Variants in TSPAN11 observed in about 807,000 individuals in gnomAD.
TSPAN11 encodes tetraspanin 11.
A neutral mutation model predicts 32.9 loss-of-function variants in TSPAN11; 29 were observed. The ratio of observed to expected loss-of-function variants is 0.88; its 90% CI spans 0.66 to 1.20. The LOEUF (loss-of-function observed/expected upper bound fraction) is 1.20, where lower values mean the gene tolerates loss of function less well. TSPAN11 is among the 50% of genes most tolerant of loss of function. The pLI is 0.00. For missense variants in TSPAN11, 283 were observed against 329.1 expected, an observed-to-expected ratio of 0.86 and a Z score of 1.08; for synonymous variants, 140 against 141.3, an observed-to-expected ratio of 0.99 and a Z score of 0.07.
chr12:30,986,336 C>T (rs978800817), intron 7 of TSPAN11, among the ~76,000 whole-genome samples: 3 of 152,216 alleles, frequency 2.0e-5, no homozygotes, highest in Non-Finnish European at 4.4e-5. Context: ...TCTCTGAGCC[C>T]TTAGTGTCCT....
chr12:30,987,606 GA>G (rs913135270), intron 7 of TSPAN11, among the ~76,000 whole-genome samples: 5 of 147,142 alleles, frequency 3.4e-5, no homozygotes, highest in South Asian at 2.2e-4. Flanking sequence ...CCGTCTCAAA[GA>G]AAAAAAAAAT....
At chr12:31,011,604 A>C in the TSPAN11 span, among the ~76,000 whole-genome samples, 74 of 152,248 alleles carry the variant, frequency 4.9e-4, no homozygotes, top group African/African-American at 1.7e-3. Flanking sequence ...ATCACAGCGC[A>C]TGCCAGCCAC....
downstream of TSPAN11, among the ~76,000 whole-genome samples, chr12:30,998,614 A>G (rs1939447480): frequency 6.6e-6 from 1 of 152,240 alleles, no homozygotes; most frequent in Non-Finnish European, 1.5e-5. Flanking sequence ...CCTTTGCATC[A>G]GGCCAGAGGA....
At chr12:30,965,323 C>T (rs776118134) in intron 3 of TSPAN11, among the ~76,000 whole-genome samples, 12 of 152,226 alleles carry the variant, frequency 7.9e-5, no homozygotes, top group South Asian at 2.1e-4. Flanking sequence ...CTGGCCCTCA[C>T]GCCTGGAGGT....
chr12:30,958,223 A>T (rs895426842), intron 2 of TSPAN11, among the ~76,000 whole-genome samples: 8 of 152,164 alleles, frequency 5.3e-5, no homozygotes, highest in African/African-American at 1.9e-4. Flanking sequence ...GGAAGACAGC[A>T]GAGGAGGTAG....
intron 7 of TSPAN11, among the ~76,000 whole-genome samples, chr12:30,989,463 G>C (rs1939267620): frequency 6.6e-6 from 1 of 152,182 alleles, no homozygotes; most frequent in Non-Finnish European, 1.5e-5. Flanking sequence ...TGGGTGCTGT[G>C]CTGTTGGTTC....
Position 30,991,901 on chromosome 12 carries a change from C to A in TSPAN11, c.748C>A (p.Arg250=). The change falls in exon 8 of 8, where the codon CGG becomes AGG. Residue 250 remains arginine (R), a synonymous_variant. Coordinates refer to ENST00000546076, the MANE Select transcript of TSPAN11 (RefSeq NM_001370302.1). ...LTCCLHQRLQ[R]HFY is the part of the protein sequence containing the mutation. Reference sequence around the variant, plus strand: ...CTGCTGCTTGCACCAGAGGCTCCAGCGGCATTTTTACTAATGGCCAACCAC... The same window carrying A: ...CTGCTGCTTGCACCAGAGGCTCCAGAGGCATTTTTACTAATGGCCAACCAC... The A allele has an allele frequency of 6.2e-7, 1 of 1,614,174 alleles. No individual in the cohort carries two copies. The highest frequency in any genetic ancestry group is 8.5e-7 in the Non-Finnish European group (1 of 1,180,016).
At chr12:30,927,486 TG>T (rs1937825149) in intron 1 of TSPAN11, among the ~76,000 whole-genome samples, 1 of 152,152 alleles carries the variant, frequency 6.6e-6, no homozygotes, top group East Asian at 1.9e-4. Flanking sequence ...CAGTTGGGCT[TG>T]GCGGGACAGC....
rs143293910 is a variant in TSPAN11 at position 30,966,661 on chromosome 12, G to A, written c.276+2644G>A. ...GAGGACAAGCCTGATGGGAGGCAGA[G>A]GGACCAGAGGCCAAGGGGGAGGATG... is the stretch of plus-strand genomic sequence containing the variant. On this transcript the variant is annotated intron_variant, in intron 3 of 7. Coordinates refer to ENST00000546076, the MANE Select transcript of TSPAN11 (RefSeq NM_001370302.1). Among the ~76,000 whole-genome samples the A allele has an allele frequency of 3.9e-3, 598 of 152,348 alleles. 9 individuals carry two copies. The highest frequency in any genetic ancestry group is 0.014 in the African/African-American group (574 of 41,576).
intron 7 of TSPAN11, among the ~76,000 whole-genome samples, chr12:30,985,146 G>A (rs967666665): frequency 2.0e-5 from 3 of 152,008 alleles, no homozygotes; most frequent in East Asian, 1.9e-4. Context: ...AGGGTCCGTC[G>A]CCTCTGGAGG....
intron 3 of TSPAN11, among the ~76,000 whole-genome samples, chr12:30,977,937 C>G (rs7135084): frequency 0.025 from 3,855 of 152,270 alleles, 186 homozygotes; most frequent in African/African-American, 0.088. Context: ...CTCTGATTTG[C>G]TTTTTCCTGA....
chr12:30,982,615 G>T lies in TSPAN11; in HGVS notation c.540G>T (p.Val180=), dbSNP rs1452828519. 21 of 1,612,486 alleles carry T rather than the reference G, an allele frequency of 1.3e-5. No homozygotes were observed. The highest frequency in any genetic ancestry group is 1.8e-5 in the Non-Finnish European group (21 of 1,179,702). Residue 180 remains valine, a synonymous_variant, in exon 6 of 8, where the codon GTG becomes GTT. Coordinates refer to ENST00000546076, the MANE Select transcript of TSPAN11 (RefSeq NM_001370302.1). The part of the protein sequence containing the change: ...ILLREAEGRQ[V]PDSCCKTVVV... ...TGCGGGAGGCCGAGGGCCGCCAGGT[G>T]CCCGACAGCTGCTGCAAGACAGTGG...
chr12:31,005,044 T>G, the TSPAN11 span, among the ~76,000 whole-genome samples: 1 of 152,208 alleles, frequency 6.6e-6, no homozygotes, highest in Non-Finnish European at 1.5e-5. Context: ...CGAAGGCTGG[T>G]GAGTCTCATC....
At chr12:30,927,467 G>A (rs1043721465) in intron 1 of TSPAN11, among the ~76,000 whole-genome samples, 1 of 152,208 alleles carries the variant, frequency 6.6e-6, no homozygotes, top group Non-Finnish European at 1.5e-5. Flanking sequence ...GTATGAAAGG[G>A]AGGCAGCCCA....
chr12:30,973,630 G>A (rs1220134933), intron 3 of TSPAN11, among the ~76,000 whole-genome samples: 1 of 152,142 alleles, frequency 6.6e-6, no homozygotes, highest in Non-Finnish European at 1.5e-5. Flanking sequence ...TGATTCTGGA[G>A]GCTCCCTGCA....
chr12:30,928,981 G>C (rs558360713), intron 1 of TSPAN11, among the ~76,000 whole-genome samples: 11 of 152,320 alleles, frequency 7.2e-5, no homozygotes, highest in African/African-American at 2.6e-4. Context: ...GTTTGTGAAT[G>C]AGTGAGTGAG....
At chr12:30,930,386 C>G (rs957562589) in intron 1 of TSPAN11, among the ~76,000 whole-genome samples, 1 of 152,124 alleles carries the variant, frequency 6.6e-6, no homozygotes, top group Admixed American at 6.5e-5. Context: ...CTCACCCAAG[C>G]CCCAGCTGGA....
intron 4 of TSPAN11, 43 bp from the exon 5 acceptor site, chr12:30,979,523 G>A: frequency 6.3e-7 from 1 of 1,593,758 alleles, no homozygotes; most frequent in Non-Finnish European, 8.6e-7. Flanking sequence ...GGCAGGGGTG[G>A]GGCTGGTCCC....
chr12:30,931,542 G>A (rs1285107826), intron 1 of TSPAN11, among the ~76,000 whole-genome samples: 1 of 152,070 alleles, frequency 6.6e-6, no homozygotes, highest in Non-Finnish European at 1.5e-5. Context: ...TAAGCACTAG[G>A]GTTTTGATAG....
Sources: gnomAD v4.1 joint callset for allele counts (sites outside exome capture counted in the v4.1 genomes callset) on GRCh38, gnomAD v4.1.1 for gene constraint, MANE v1.5 for transcripts, NCBI Gene and HGNC (gene_info 2026-07-23, HGNC 2026-07-21) for gene names.